UGGT1: variants seen among roughly 807,000 people sequenced by gnomAD.
UGGT1 encodes the protein UDP-glucose glycoprotein glucosyltransferase 1.
A neutral mutation model predicts 203.9 loss-of-function variants in UGGT1; 107 were observed. That is an observed-to-expected ratio of 0.52 (90% CI 0.45 to 0.62). The LOEUF (loss-of-function observed/expected upper bound fraction) is 0.62, where lower values mean the gene tolerates loss of function less well. Ranked by LOEUF, UGGT1 falls within the 20% of genes least tolerant of loss-of-function variation. The pLI, the probability that UGGT1 is intolerant of heterozygous loss-of-function variation, is 0.00. For missense variants in UGGT1, 1,673 were observed against 1,867.2 expected (o/e 0.90, Z 1.92); for synonymous variants, 628 against 653.5 (o/e 0.96, Z 0.59).
At chr2:128,113,047 A>C in intron 5 of UGGT1, 37 bp from the exon 6 acceptor site, 8 of 1,449,556 alleles carry the variant, frequency 5.5e-6, no homozygotes, top group Non-Finnish European at 6.4e-6. Flanking sequence ...TTTCACAATT[A>C]TTTTTAAAGT....
At position 128,111,119 on chromosome 2, in the gene UGGT1, G is replaced by A. The variant is rs185961757; in HGVS notation, c.521+1373G>A. Among the ~76,000 whole-genome samples the A allele has an allele frequency of 5.7e-4, 87 of 152,326 alleles. 1 individual carries two copies. Among genetic ancestry groups the A allele is most frequent in the Non-Finnish European group, 1.1e-3 (72 of 68,028 alleles). On this transcript the variant is annotated intron_variant, in intron 5 of 40. Transcript: ENST00000259253. The stretch of plus-strand genomic sequence containing the variant: ...TGTAGTCCCAGCACTTTGGCAGGCT[G>A]AGGCAGGAGGATCACTTGATCCCAG...
Position 128,173,955 on chromosome 2 carries a change from A to G in UGGT1, c.3453+16A>G. The G allele has an allele frequency of 6.2e-7, 1 of 1,612,682 alleles. No individual in the cohort carries two copies. The highest frequency in any genetic ancestry group is 2.2e-5 in the East Asian group (1 of 44,854). On this transcript the variant is annotated intron_variant, in intron 30 of 40. Transcript: ENST00000259253. ...GGCCAATCTGGTAAATAATCTGTTC[A>G]TCAGATAGTGATATTGTAGTTACGT...
chr2:128,091,759 C>T (rs996773017), intron 1 of UGGT1, among the ~76,000 whole-genome samples: 4 of 152,182 alleles, frequency 2.6e-5, no homozygotes, highest in Admixed American at 1.3e-4. Context: ...CAGCACTTTG[C>T]AGGACCCTGA....
At position 128,091,303 on chromosome 2, in the gene UGGT1, C is replaced by A. The variant is rs548021418; in HGVS notation, c.-55C>A. The stretch of plus-strand genomic sequence containing the variant: ...CCTGCACTGCCGCTGCCGCCTCGCC[C>A]CGCCCTGCCCTGGCGTTGTCTCTGG... On this transcript the variant is annotated 5_prime_UTR_variant, in exon 1 of 41. Coordinates refer to ENST00000259253, the MANE Select transcript of UGGT1 (RefSeq NM_020120.4). The A allele has an allele frequency of 2.8e-5, 41 of 1,487,652 alleles. No homozygotes were observed. In the South Asian group the frequency reaches 4.9e-4, roughly 18 times the overall value. 92.2% of individuals were successfully genotyped at this position (1,487,652 alleles called of 1,614,324 possible).
In UGGT1 at chr2:128,127,589, G is replaced by GGTA. The variant is rs575867213; in HGVS notation, c.1226+142_1226+144dup. On this transcript the variant is annotated intron_variant, in intron 12 of 40. Coordinates refer to ENST00000259253, the MANE Select transcript of UGGT1 (RefSeq NM_020120.4). ...TACCAGCCCCCACTGGGTGGACGTA[G>GGTA]GTAGTAGGCACATGCCATGATGGGT... 66 of 638,126 alleles carry GGTA rather than the reference G, an allele frequency of 1.0e-4. 1 individual carries two copies. In the South Asian group the frequency reaches 1.3e-3, roughly 12 times the overall value. 39.5% of individuals were successfully genotyped at this position (638,126 alleles called of 1,614,324 possible).
At chr2:128,155,642 C>A in intron 20 of UGGT1, 55 bp downstream of exon 20, 2 of 1,373,236 alleles carry the variant, frequency 1.5e-6, no homozygotes, top group African/African-American at 1.4e-5. Context: ...AAAGTATTTG[C>A]ATATTCATCT....
At chr2:128,145,709 G>A (rs1689654581) in intron 17 of UGGT1, 94 bp from the exon 18 acceptor site, 2 of 1,089,046 alleles carry the variant, frequency 1.8e-6, no homozygotes, top group Non-Finnish European at 2.5e-6. Context: ...TCTATTGATT[G>A]TTGTTAGAAC....
intron 15 of UGGT1, among the ~76,000 whole-genome samples, chr2:128,137,610 ACAT>A (rs1196585944): frequency 6.6e-6 from 1 of 152,232 alleles, no homozygotes; most frequent in African/African-American, 2.4e-5. Flanking sequence ...TTTGGATCTA[ACAT>A]CATTGCCAAG....
At chr2:128,125,176 C>G (rs1359971367) in intron 11 of UGGT1, among the ~76,000 whole-genome samples, 1 of 151,954 alleles carries the variant, frequency 6.6e-6, no homozygotes, top group Admixed American at 6.6e-5. Context: ...CTTCGATTCC[C>G]CATTATGTGT....
chr2:128,166,843 C>T (rs1558812403), intron 26 of UGGT1, among the ~76,000 whole-genome samples: 2 of 152,142 alleles, frequency 1.3e-5, no homozygotes, highest in African/African-American at 2.4e-5. Context: ...TGCCTGTGTC[C>T]TATTCCTCTG....
intron 38 of UGGT1, among the ~76,000 whole-genome samples, chr2:128,184,389 T>G (rs1331771556): frequency 6.6e-6 from 1 of 152,188 alleles, no homozygotes; most frequent in Non-Finnish European, 1.5e-5. Context: ...ATATGTAGCA[T>G]CCATAAAGAA....
chr2:128,184,140 C>T (rs927393414), intron 38 of UGGT1, among the ~76,000 whole-genome samples: 4 of 152,062 alleles, frequency 2.6e-5, no homozygotes, highest in Admixed American at 1.3e-4. Flanking sequence ...TGTTTTTCTG[C>T]TGTAGGAACT....
intron 19 of UGGT1, among the ~76,000 whole-genome samples, chr2:128,153,792 C>G (rs1405430303): frequency 6.6e-6 from 1 of 152,120 alleles, no homozygotes; most frequent in African/African-American, 2.4e-5. Flanking sequence ...ATGTTAAGCC[C>G]AGGTGCAATT....
At position 128,120,471 on chromosome 2, in the gene UGGT1, G is replaced by C. The variant is rs1454262520; in HGVS notation, c.973+15G>C. On this transcript the variant is annotated intron_variant, in intron 9 of 40. Transcript: ENST00000259253. ...GCAGTTGCAAGGTAATGAAAACAGG[G>C]AGAGGTCATTGGCCTACTTTTTGGC... is the stretch of plus-strand genomic sequence containing the variant. The C allele has an allele frequency of 6.2e-7, 1 of 1,604,474 alleles. No individual in the cohort carries two copies. The highest frequency in any genetic ancestry group is 8.5e-7 in the Non-Finnish European group (1 of 1,173,056).
Position 128,158,050 on chromosome 2 carries a change from T to C in UGGT1, c.2355+704T>C, listed in dbSNP as rs981270964. Among the ~76,000 whole-genome samples, 10 of 152,316 alleles carry C rather than the reference T, an allele frequency of 6.6e-5. No homozygotes were observed. The South Asian group carries it at 1.9e-3, about 28-fold the overall frequency. ...GTTTCAGTTTTACTCATATGCCGAGTTCCTTTATTGTTCAAGGAGTGGACC... is the reference window on the plus strand; with the variant it reads ...GTTTCAGTTTTACTCATATGCCGAGCTCCTTTATTGTTCAAGGAGTGGACC... On this transcript the variant is annotated intron_variant, in intron 22 of 40. Transcript: ENST00000259253.
In UGGT1 at chr2:128,161,264, G is replaced by A; in HGVS notation, c.2821G>A (p.Asp941Asn). 6.2e-7 allele frequency: 1 copy of A among 1,613,404 alleles called. No individual in the cohort carries two copies. Among genetic ancestry groups the A allele is most frequent in the Non-Finnish European group, 8.5e-7 (1 of 1,179,752 alleles). ...TATTCAACAGCTTCGGGTAGAAGAA[G>A]ATGTGTAAGTTTTGCCATAGGAGGA... ...SHIQQLRVEE[D>N]VASDLVMKVD... Residue 941 changes from aspartate (D) to asparagine (N), a missense_variant, in exon 25 of 41, where the codon GAT becomes AAT. Physicochemically the swap from Asp to Asn is conservative, Grantham distance 23. Transcript: ENST00000259253.
chr2:128,140,728 T>C (rs574282754), intron 16 of UGGT1, among the ~76,000 whole-genome samples: 123 of 152,202 alleles, frequency 8.1e-4, no homozygotes, highest in African/African-American at 2.9e-3. Context: ...CCAGGCTGGA[T>C]TGCAGCAGCG....
At chr2:128,102,935 A>G (rs1687445485) in intron 2 of UGGT1, 2 of 403,454 alleles carry the variant, frequency 5.0e-6, no homozygotes, top group Admixed American at 3.0e-5. Context: ...GTCAGTTACT[A>G]GAAAGCCTAG....
intron 13 of UGGT1, among the ~76,000 whole-genome samples, chr2:128,131,816 T>A (rs1041677154): frequency 7.2e-5 from 11 of 152,060 alleles, no homozygotes; most frequent in Non-Finnish European, 1.6e-4. Context: ...TTAATAGAGA[T>A]GGGGCTTTCA....
Sources: allele counts gnomAD v4.1 joint callset (sites outside exome capture counted in the v4.1 genomes callset), GRCh38; gene constraint gnomAD v4.1.1; transcripts MANE v1.5; gene names NCBI Gene and HGNC (gene_info 2026-07-23, HGNC 2026-07-21).